The following HACE1 variants were observed in gnomAD, a reference collection of about 807,000 sequenced individuals.
HACE1 encodes the protein E3 ubiquitin-protein ligase HACE1.
A neutral mutation model predicts 118.4 loss-of-function variants in HACE1; 73 were observed. The observed-to-expected ratio is 0.62, with a 90% CI of 0.51 to 0.75. The LOEUF (loss-of-function observed/expected upper bound fraction) is 0.75, where lower values mean the gene tolerates loss of function less well. Ranked by LOEUF, HACE1 falls within the 30% of genes least tolerant of loss-of-function variation. HACE1 has a pLI of 0.00. For synonymous variants in HACE1, 368 were observed against 374.8 expected (o/e 0.98, Z 0.21); for missense variants, 749 against 1,102.2 (o/e 0.68, Z 4.54).
At chr6:104,769,699 G>C (rs898845338) in intron 19 of HACE1, among the ~76,000 whole-genome samples, 3 of 152,102 alleles carry the variant, frequency 2.0e-5, no homozygotes, top group African/African-American at 7.2e-5. Flanking sequence ...CTTGAAATTA[G>C]GAGGCTTGGG....
At chr6:104,755,854 C>A (rs1778559191) in intron 19 of HACE1, among the ~76,000 whole-genome samples, 1 of 152,150 alleles carries the variant, frequency 6.6e-6, no homozygotes, top group Admixed American at 6.5e-5. Context: ...AACAATCTGA[C>A]ATCTCAACTA....
chr6:104,827,632 C>T (rs1773467405), intron 6 of HACE1, among the ~76,000 whole-genome samples: 1 of 152,234 alleles, frequency 6.6e-6, no homozygotes, highest in East Asian at 1.9e-4. Context: ...TAGGAATATA[C>T]TCTGAAATGT....
intron 5 of HACE1, among the ~76,000 whole-genome samples, chr6:104,837,718 T>TA (rs2115123639): frequency 6.6e-6 from 1 of 152,252 alleles, no homozygotes; most frequent in South Asian, 2.1e-4. Context: ...AAGACCTAGC[T>TA]AGAGCAATCA....
At chr6:104,818,588 AT>A (rs1772356450) in intron 6 of HACE1, among the ~76,000 whole-genome samples, 1 of 152,140 alleles carries the variant, frequency 6.6e-6, no homozygotes, top group Admixed American at 6.6e-5. Flanking sequence ...ATAAAAAAAA[AT>A]GTCAGACCAA....
At chr6:104,854,055 C>G (rs1486819388) in intron 1 of HACE1, among the ~76,000 whole-genome samples, 1 of 152,158 alleles carries the variant, frequency 6.6e-6, no homozygotes, top group Non-Finnish European at 1.5e-5. Context: ...GCAACTGAAA[C>G]CTCGGAAAGC....
intron 2 of HACE1, among the ~76,000 whole-genome samples, chr6:104,851,789 A>C (rs1030799368): frequency 1.3e-5 from 2 of 152,164 alleles, no homozygotes; most frequent in Admixed American, 6.5e-5. Flanking sequence ...TCTTCTTCTT[A>C]TATCAAAAAA....
At chr6:104,815,684 C>T (rs1772033931) in intron 6 of HACE1, among the ~76,000 whole-genome samples, 1 of 138,080 alleles carries the variant, frequency 7.2e-6, no homozygotes, top group African/African-American at 2.9e-5. Flanking sequence ...AAATTTCTAA[C>T]CAGCAAAGCA....
chr6:104,758,353 T>G (rs1778951118), intron 19 of HACE1, among the ~76,000 whole-genome samples: 1 of 152,204 alleles, frequency 6.6e-6, no homozygotes, highest in East Asian at 1.9e-4. Context: ...CAGATCTCTC[T>G]GCAGAAACCC....
chr6:104,799,189 T>C (rs1770022297), intron 7 of HACE1, among the ~76,000 whole-genome samples: 1 of 152,224 alleles, frequency 6.6e-6, no homozygotes, highest in Non-Finnish European at 1.5e-5. Context: ...ATAAGCATTG[T>C]TAAATTAAGC....
intron 19 of HACE1, among the ~76,000 whole-genome samples, chr6:104,757,811 C>T (rs1033330965): frequency 3.3e-5 from 5 of 152,084 alleles, no homozygotes; most frequent in East Asian, 1.9e-4. Flanking sequence ...AAAGGTTAAA[C>T]GAATGGCTAA....
intron 13 of HACE1, 22 bp from the exon 14 acceptor site, chr6:104,784,195 TAA>T (rs1307896614): frequency 5.2e-6 from 7 of 1,334,912 alleles, no homozygotes; most frequent in Non-Finnish European, 7.6e-6. Context: ...ATATTTTGTT[TAA>T]ATGGACAGGA....
chr6:104,841,562 G>A lies in HACE1; in HGVS notation c.402+1661C>T, dbSNP rs532063921. ...CAAAATCTGAATTTTTACAGGAATT[G>A]TAGATTCCATATAATAATCATGATT... On this transcript the variant is annotated intron_variant, in intron 5 of 23. Transcript: ENST00000262903. Among the ~76,000 whole-genome samples, 3 of 152,152 alleles carry A rather than the reference G, an allele frequency of 2.0e-5. No homozygotes were observed. The East Asian group carries it at 5.8e-4, about 29-fold the overall frequency.
intron 20 of HACE1, among the ~76,000 whole-genome samples, chr6:104,748,202 G>T (rs187399556): frequency 5.4e-4 from 81 of 151,104 alleles, no homozygotes; most frequent in Non-Finnish European, 2.2e-4. Context: ...TCTGATAAAA[G>T]ACTCTTATAA....
chr6:104,765,372 G>A (rs1779874198), intron 19 of HACE1, among the ~76,000 whole-genome samples: 1 of 152,206 alleles, frequency 6.6e-6, no homozygotes, highest in Non-Finnish European at 1.5e-5. Flanking sequence ...ACACTTGCCT[G>A]TTGCACTAGG....
chr6:104,793,326 C>T (rs188616752), intron 10 of HACE1, among the ~76,000 whole-genome samples: 2 of 151,542 alleles, frequency 1.3e-5, no homozygotes, highest in African/African-American at 2.4e-5. Flanking sequence ...GTAAAATCCT[C>T]GCCTTTGGTT....
At chr6:104,780,110 AATT>A (rs1430488152) in intron 14 of HACE1, among the ~76,000 whole-genome samples, 3 of 152,178 alleles carry the variant, frequency 2.0e-5, no homozygotes, top group African/African-American at 7.2e-5. Context: ...GCAATGTTAA[AATT>A]ATTGTCAATA....
chr6:104,792,233 C>A (rs979224985), intron 10 of HACE1, among the ~76,000 whole-genome samples: 2 of 152,098 alleles, frequency 1.3e-5, no homozygotes, highest in Admixed American at 1.3e-4. Flanking sequence ...ACGTAACGGG[C>A]TGCCTTATGA....
chr6:104,791,658 A>T lies in HACE1; in HGVS notation c.924-4T>A. On this transcript the variant is annotated splice_region_variant and splice_polypyrimidine_tract_variant and intron_variant, in intron 10 of 23. Coordinates refer to ENST00000262903, the MANE Select transcript of HACE1 (RefSeq NM_020771.4). ...AGCATCATAATTGCTAGAGAGGCTGAAAATAAAAATTAAAATATGAGATTA... is the reference window on the plus strand; with the variant it reads ...AGCATCATAATTGCTAGAGAGGCTGTAAATAAAAATTAAAATATGAGATTA... 6.3e-7 allele frequency: 1 copy of T among 1,588,434 alleles called. No individual in the cohort carries two copies. The highest frequency in any genetic ancestry group is 1.1e-5 in the South Asian group (1 of 90,374).
At chr6:104,747,568 C>T (rs1212665141) in intron 20 of HACE1, among the ~76,000 whole-genome samples, 3 of 151,734 alleles carry the variant, frequency 2.0e-5, no homozygotes, top group African/African-American at 7.3e-5. Context: ...AAGCCAAGTC[C>T]CTCTGATTAC....
Sources: allele counts gnomAD v4.1 joint callset (sites outside exome capture counted in the v4.1 genomes callset), GRCh38; gene constraint gnomAD v4.1.1; transcripts MANE v1.5; gene names NCBI Gene and HGNC (gene_info 2026-07-23, HGNC 2026-07-21).